NCK1: variants seen among roughly 807,000 people sequenced by gnomAD.
The protein encoded by NCK1 is NCK adaptor protein 1.
NCK1 carries 19 observed loss-of-function variants against 36.6 expected under a neutral mutation model. The observed-to-expected ratio is 0.52, with a 90% CI of 0.36 to 0.76. The LOEUF (loss-of-function observed/expected upper bound fraction) is 0.76, where lower values mean the gene tolerates loss of function less well. Among genes scored for constraint, NCK1 ranks in the 30% least tolerant of loss-of-function variants. The probability of loss-of-function intolerance (pLI) is 0.00; values close to 1 mark genes in which losing one functional copy is unlikely to be tolerated. For synonymous variants in NCK1, 165 were observed against 156.0 expected, an observed-to-expected ratio of 1.06 and a Z score of -0.43; for missense variants, 358 against 445.6, an observed-to-expected ratio of 0.80 and a Z score of 1.77.
intron 1 of NCK1, among the ~76,000 whole-genome samples, chr3:136,883,219 C>A (rs1938991172): frequency 6.6e-6 from 1 of 152,182 alleles, no homozygotes; most frequent in Non-Finnish European, 1.5e-5. Flanking sequence ...CCATGCCCAG[C>A]CTACTTCTTA....
At chr3:136,907,175 T>C (rs1036234643) in intron 1 of NCK1, among the ~76,000 whole-genome samples, 27 of 152,244 alleles carry the variant, frequency 1.8e-4, no homozygotes, top group African/African-American at 6.5e-4. Flanking sequence ...GGCAGTGGAA[T>C]TTTTCCTCAG....
intron 2 of NCK1, among the ~76,000 whole-genome samples, chr3:136,932,969 G>T (rs1166716763): frequency 6.6e-6 from 1 of 152,134 alleles, no homozygotes; most frequent in Non-Finnish European, 1.5e-5. Context: ...TAAGTACACT[G>T]GGTTCAGAAA....
chr3:136,915,303 G>C (rs533581518), intron 1 of NCK1, among the ~76,000 whole-genome samples: 1 of 152,302 alleles, frequency 6.6e-6, no homozygotes, highest in South Asian at 2.1e-4. Context: ...GGGGGTTGAC[G>C]TAGTAGCATT....
intron 2 of NCK1, among the ~76,000 whole-genome samples, chr3:136,943,521 G>A (rs1940730206): frequency 6.6e-6 from 1 of 152,196 alleles, no homozygotes; most frequent in Non-Finnish European, 1.5e-5. Flanking sequence ...TATAGAAAAT[G>A]AAAGTGTATG....
At chr3:136,891,952 A>G (rs1939257817) in intron 1 of NCK1, among the ~76,000 whole-genome samples, 1 of 152,180 alleles carries the variant, frequency 6.6e-6, no homozygotes, top group African/African-American at 2.4e-5. Context: ...AGAGTGACAT[A>G]ATCATGGCTC....
At chr3:136,929,682 C>T (rs1940342780) in intron 2 of NCK1, among the ~76,000 whole-genome samples, 1 of 152,060 alleles carries the variant, frequency 6.6e-6, no homozygotes. Flanking sequence ...CATAGTGATA[C>T]GTGCACAGGG....
At chr3:136,882,102 C>T (rs1276600210) in intron 1 of NCK1, among the ~76,000 whole-genome samples, 2 of 151,984 alleles carry the variant, frequency 1.3e-5, no homozygotes, top group Non-Finnish European at 1.5e-5. Flanking sequence ...ACCACCATAC[C>T]ATTTTCCATA....
chr3:136,910,827 A>G (rs1440133034), intron 1 of NCK1, among the ~76,000 whole-genome samples: 1 of 152,200 alleles, frequency 6.6e-6, no homozygotes, highest in Non-Finnish European at 1.5e-5. Flanking sequence ...AATATATAAT[A>G]CATTAATACT....
At chr3:136,862,769 G>A (rs71630059) in intron 1 of NCK1, among the ~76,000 whole-genome samples, 25,628 of 152,202 alleles carry the variant, frequency 0.17, 2,563 homozygotes, top group Middle Eastern at 0.24. Context: ...CGTGGTAGGA[G>A]GAAGGGCGCT....
At chr3:136,888,910 G>T (rs536363341) in intron 1 of NCK1, among the ~76,000 whole-genome samples, 1 of 151,398 alleles carries the variant, frequency 6.6e-6, no homozygotes, top group South Asian at 2.1e-4. Flanking sequence ...TTGCTCTGTT[G>T]CTTGGACTGT....
In NCK1 at chr3:136,946,286, T is replaced by G; in HGVS notation, c.930T>G (p.Ser310Arg). 6.2e-7 allele frequency: 1 copy of G among 1,607,904 alleles called. No individual in the cohort carries two copies. Among genetic ancestry groups the G allele is most frequent in the Non-Finnish European group, 8.5e-7 (1 of 1,176,086 alleles). Residue 310 changes from serine to arginine, a missense_variant, in exon 3 of 4, where the codon AGT (serine) becomes AGG (arginine). By Grantham distance (110) the Ser-to-Arg change is moderately radical. Transcript: ENST00000481752. ...GHEGDFLIRDSESSPNDFSVS... is the reference protein window; with the variant it reads ...GHEGDFLIRDRESSPNDFSVS... ...AAGGGGATTTCCTCATTCGTGATAG[T>G]GAATCTTCGGTAAGTTGATTTTCGG...
chr3:136,880,924 C>G (rs1415317712), intron 1 of NCK1, among the ~76,000 whole-genome samples: 3 of 152,132 alleles, frequency 2.0e-5, no homozygotes, highest in Non-Finnish European at 4.4e-5. Flanking sequence ...AACTCTTGAT[C>G]CCTTCATTCT....
rs1940964956 is a variant in NCK1, at chr3:136,951,289, G to A, written c.*2836G>A. On this transcript the variant is annotated 3_prime_UTR_variant, in exon 4 of 4. Transcript: ENST00000481752. The stretch of plus-strand genomic sequence containing the variant: ...AGGCAGGCCCAGCCCTTCTCTAGAA[G>A]TTTGAATTTCACTCCCACCTTGTTG... 1.3e-5 allele frequency among the ~76,000 whole-genome samples: 2 copies of A among 152,188 alleles called. No individual in the cohort carries two copies. Among genetic ancestry groups the A allele is most frequent in the African/African-American group, 2.4e-5 (1 of 41,454 alleles).
intron 1 of NCK1, chr3:136,899,589 C>A: frequency 1.6e-6 from 1 of 612,054 alleles, no homozygotes; most frequent in South Asian, 1.6e-5. Context: ...AAAAATTTTC[C>A]TCTGTTGTAC....
intron 1 of NCK1, among the ~76,000 whole-genome samples, chr3:136,874,763 ATAC>A (rs1343825031): frequency 6.6e-6 from 1 of 151,682 alleles, no homozygotes; most frequent in African/African-American, 2.4e-5. Flanking sequence ...GGAGTATATC[ATAC>A]AATAGATTCC....
intron 1 of NCK1, among the ~76,000 whole-genome samples, chr3:136,883,038 C>G (rs1440959063): frequency 2.0e-5 from 3 of 152,210 alleles, no homozygotes; most frequent in Non-Finnish European, 4.4e-5. Context: ...TGTGCCTCAG[C>G]CTCCCAAGTA....
intron 2 of NCK1, chr3:136,928,717 T>G (rs939632677): frequency 6.5e-6 from 1 of 153,458 alleles, no homozygotes; most frequent in Non-Finnish European, 1.4e-5. Flanking sequence ...TTTGTTTCTC[T>G]TTTTCCCTTT....
chr3:136,876,407 C>G (rs1337995273), intron 1 of NCK1, among the ~76,000 whole-genome samples: 2 of 151,944 alleles, frequency 1.3e-5, no homozygotes, highest in African/African-American at 2.4e-5. Context: ...AGACCGCTAG[C>G]AAGACTAATA....
chr3:136,884,739 G>A (rs1475478773), intron 1 of NCK1, among the ~76,000 whole-genome samples: 1 of 125,534 alleles, frequency 8.0e-6, no homozygotes, highest in Non-Finnish European at 1.7e-5. Flanking sequence ...TTCTTTTTTT[G>A]AGAGGGAGTC....
Sources: gnomAD v4.1 joint callset for allele counts (sites outside exome capture counted in the v4.1 genomes callset) on GRCh38, gnomAD v4.1.1 for gene constraint, MANE v1.5 for transcripts, NCBI Gene and HGNC (gene_info 2026-07-23, HGNC 2026-07-21) for gene names.